Variants in ATP8B4 observed in about 807,000 individuals in gnomAD.
ATP8B4 encodes the protein ATPase phospholipid transporting 8B4 (putative), also known as probable phospholipid-transporting ATPase IM.
ATP8B4 carries 133 observed loss-of-function variants against 145.6 expected under a neutral mutation model. The observed-to-expected ratio is 0.91, with a 90% confidence interval of 0.79 to 1.05. ATP8B4 has a LOEUF of 1.05. Among genes scored for constraint, ATP8B4 ranks in the 50% least tolerant of loss-of-function variants. The pLI, the probability that ATP8B4 is intolerant of heterozygous loss-of-function variation, is 0.00. For missense variants in ATP8B4, 1,458 were observed against 1,425.2 expected, an observed-to-expected ratio of 1.02 and a Z score of -0.37; for synonymous variants, 507 against 492.9, an observed-to-expected ratio of 1.03 and a Z score of -0.38.
intron 14 of ATP8B4, 87 bp from the exon 15 acceptor site, chr15:49,934,269 T>A: frequency 7.0e-7 from 1 of 1,418,878 alleles, no homozygotes; most frequent in Non-Finnish European, 9.4e-7. Flanking sequence ...CCCCAAGTAT[T>A]TTTAGTGTAT....
At chr15:49,954,637 C>T (rs913066226) in intron 14 of ATP8B4, among the ~76,000 whole-genome samples, 1 of 152,078 alleles carries the variant, frequency 6.6e-6, no homozygotes, top group African/African-American at 2.4e-5. Flanking sequence ...CCATCTCACA[C>T]CAGTCAGAAA....
intron 1 of ATP8B4, among the ~76,000 whole-genome samples, chr15:50,173,244 CG>C (rs1567418960): frequency 6.6e-6 from 1 of 152,126 alleles, no homozygotes; most frequent in African/African-American, 2.4e-5. Flanking sequence ...GCGGTTTTGT[CG>C]AACAGAAAAG....
At chr15:50,148,737 T>C (rs1304963301) in intron 1 of ATP8B4, among the ~76,000 whole-genome samples, 1 of 152,198 alleles carries the variant, frequency 6.6e-6, no homozygotes, top group African/African-American at 2.4e-5. Flanking sequence ...AACACAGATA[T>C]TATTGAAGTA....
chr15:50,140,888 T>C (rs28566671), intron 1 of ATP8B4, among the ~76,000 whole-genome samples: 28,625 of 152,126 alleles, frequency 0.19, 2,946 homozygotes, highest in African/African-American at 0.24. Flanking sequence ...CCTAAGGTGA[T>C]TGTAATGTGC....
chr15:49,898,052 G>A lies in ATP8B4; in HGVS notation c.2473+16C>T, dbSNP rs1189837592. 2.5e-6 allele frequency: 4 copies of A among 1,613,058 alleles called. No individual in the cohort carries two copies. The highest frequency in any genetic ancestry group is 3.4e-6 in the Non-Finnish European group (4 of 1,179,398). On this transcript the variant is annotated intron_variant, in intron 22 of 27. Transcript: ENST00000284509. ...CCATGTATGCAGCATACCCCATTGA[G>A]CAAATATCCTCTTACTTTTAATCAT...
In ATP8B4 at chr15:50,145,483, G is replaced by C. The variant is rs538585734; in HGVS notation, c.-43+36778C>G. Among the ~76,000 whole-genome samples the C allele has an allele frequency of 2.0e-5, 3 of 152,118 alleles. No homozygotes were observed. In the South Asian group the frequency reaches 6.2e-4, roughly 32 times the overall value. ...ATTTAAAATATTTCTGCATTGGGTGGGAGTCTGTCCTAAACACACTCCACA... is the reference window on the plus strand; with the variant it reads ...ATTTAAAATATTTCTGCATTGGGTGCGAGTCTGTCCTAAACACACTCCACA... On this transcript the variant is annotated intron_variant, in intron 1 of 3. Transcript: ENST00000558829.
At chr15:49,948,942 T>C (rs2042821225) in intron 14 of ATP8B4, among the ~76,000 whole-genome samples, 1 of 152,190 alleles carries the variant, frequency 6.6e-6, no homozygotes, top group Admixed American at 6.5e-5. Context: ...CCCTATTGCT[T>C]GTTTTTGTCA....
intron 1 of ATP8B4, among the ~76,000 whole-genome samples, chr15:50,180,864 G>A (rs74014927): frequency 0.089 from 13,526 of 152,188 alleles, 795 homozygotes; most frequent in African/African-American, 0.15. Context: ...GCTAAAAAAC[G>A]GCAGGGGGTG....
At chr15:49,914,960 T>G (rs77667553) in intron 20 of ATP8B4, among the ~76,000 whole-genome samples, 4,106 of 152,242 alleles carry the variant, frequency 0.027, 66 homozygotes, top group African/African-American at 0.038. Flanking sequence ...GTACTGGGTA[T>G]TTATTCAAAG....
At chr15:49,912,319 A>T (rs1407080371) in intron 20 of ATP8B4, among the ~76,000 whole-genome samples, 1 of 152,120 alleles carries the variant, frequency 6.6e-6, no homozygotes, top group Non-Finnish European at 1.5e-5. Flanking sequence ...CCAAATAAAC[A>T]AAATCAGGAA....
At chr15:50,039,076 C>T (rs2051066798) in intron 5 of ATP8B4, among the ~76,000 whole-genome samples, 1 of 152,194 alleles carries the variant, frequency 6.6e-6, no homozygotes, top group Admixed American at 6.5e-5. Context: ...TTCCAATCTC[C>T]ACACGTTTAG....
At chr15:50,130,890 T>A (rs923387030) in intron 1 of ATP8B4, among the ~76,000 whole-genome samples, 1 of 152,184 alleles carries the variant, frequency 6.6e-6, no homozygotes, top group Non-Finnish European at 1.5e-5. Context: ...CATACTGATA[T>A]AAAGAACTAC....
At chr15:50,127,879 C>A (rs2057317576) in intron 1 of ATP8B4, among the ~76,000 whole-genome samples, 1 of 152,176 alleles carries the variant, frequency 6.6e-6, no homozygotes, top group Admixed American at 6.5e-5. Context: ...ATGAACAATA[C>A]CAAGGTGTGC....
intron 1 of ATP8B4, among the ~76,000 whole-genome samples, chr15:50,145,105 G>C (rs1307598493): frequency 2.6e-5 from 4 of 152,160 alleles, no homozygotes; most frequent in African/African-American, 7.2e-5. Flanking sequence ...CCTAATCTGA[G>C]TTAAAATGAA....
At chr15:49,923,559 C>G in intron 16 of ATP8B4, 65 bp from the exon 17 acceptor site, 2 of 1,132,032 alleles carry the variant, frequency 1.8e-6, no homozygotes, top group Non-Finnish European at 2.6e-6. Context: ...TTAGATTCTC[C>G]CAGAGCTCCA....
chr15:49,967,616 C>T (rs7164800), intron 13 of ATP8B4, among the ~76,000 whole-genome samples: 3 of 151,960 alleles, frequency 2.0e-5, no homozygotes, highest in Non-Finnish European at 4.4e-5. Context: ...AAGAAATATG[C>T]GACTATGTGA....
At chr15:49,934,683 T>C (rs1018994075) in intron 14 of ATP8B4, among the ~76,000 whole-genome samples, 4 of 152,110 alleles carry the variant, frequency 2.6e-5, no homozygotes, top group Non-Finnish European at 4.4e-5. Context: ...ACTGGAGTTA[T>C]TGCACAATAA....
At chr15:50,159,102 A>T (rs1031939372) in intron 1 of ATP8B4, among the ~76,000 whole-genome samples, 15 of 142,840 alleles carry the variant, frequency 1.1e-4, no homozygotes, top group South Asian at 4.3e-4. Flanking sequence ...AATGATCAAT[A>T]AAAAAAAAAC....
intron 21 of ATP8B4, 30 bp from the exon 22 acceptor site, chr15:49,898,281 G>A: frequency 6.3e-7 from 1 of 1,586,936 alleles, no homozygotes. Flanking sequence ...ATTCAAACAA[G>A]AACAGGAAAC....
Sources: gnomAD v4.1 joint callset for allele counts (sites outside exome capture counted in the v4.1 genomes callset) on GRCh38, gnomAD v4.1.1 for gene constraint, MANE v1.5 for transcripts, NCBI Gene and HGNC (gene_info 2026-07-23, HGNC 2026-07-21) for gene names.